Variants in TXNDC9 observed in about 807,000 individuals in gnomAD.
TXNDC9 encodes thioredoxin domain-containing protein 9.
TXNDC9 carries 7 observed loss-of-function variants against 23.0 expected under a neutral mutation model. That is an observed-to-expected ratio of 0.30 (90% CI 0.17 to 0.57). The LOEUF is 0.57. TXNDC9 is among the 20% of genes least tolerant of loss of function. The pLI is 0.90. For missense variants in TXNDC9, 198 were observed against 252.6 expected, an observed-to-expected ratio of 0.78 and a Z score of 1.47; for synonymous variants, 72 against 90.6, an observed-to-expected ratio of 0.79 and a Z score of 1.17.
intron 1 of TXNDC9, among the ~76,000 whole-genome samples, chr2:99,333,705 T>G (rs766477985): frequency 6.6e-6 from 1 of 152,218 alleles, no homozygotes; most frequent in South Asian, 2.1e-4. Context: ...CAGAGTACAG[T>G]TGAGCAAAAC....
the TXNDC9 span, chr2:99,307,338 A>G: frequency 2.6e-5 from 4 of 151,476 alleles, no homozygotes; most frequent in African/African-American, 4.9e-5. Context: ...ATTTACAATT[A>G]TTATGATTAT....
At chr2:99,329,898 C>T (rs145722419) in intron 2 of TXNDC9, among the ~76,000 whole-genome samples, 1,884 of 151,960 alleles carry the variant, frequency 0.012, 15 homozygotes, top group South Asian at 0.021. Flanking sequence ...ACTCCGAAGG[C>T]GGAGGTTGCA....
the TXNDC9 span, among the ~76,000 whole-genome samples, chr2:99,309,395 T>A: frequency 1.3e-5 from 2 of 151,894 alleles, no homozygotes; most frequent in Admixed American, 6.6e-5. Context: ...AAAACAATTT[T>A]AAAAATTAAA....
In TXNDC9 at chr2:99,333,621, C is replaced by A. The variant is rs139876226; in HGVS notation, c.-32-379G>T. On this transcript the variant is annotated intron_variant, in intron 1 of 4. Coordinates refer to ENST00000264255, the MANE Select transcript of TXNDC9 (RefSeq NM_005783.4). ...ACCAATGGGAAAGAGAAATCAGAAA[C>A]AACTGCGAACAATAGGAAGGTATAC... is the stretch of plus-strand genomic sequence containing the variant. Among the ~76,000 whole-genome samples the A allele has an allele frequency of 9.6e-3, 1,464 of 152,254 alleles. 24 individuals carry two copies. Among genetic ancestry groups the A allele is most frequent in the African/African-American group, 0.034 (1,395 of 41,530 alleles).
Position 99,336,299 on chromosome 2 carries a change from C to G in TXNDC9, c.-93G>C, listed in dbSNP as rs2094240352. 1.0e-6 allele frequency: 1 copy of G among 985,518 alleles called. No individual in the cohort carries two copies. The highest frequency in any genetic ancestry group is 1.2e-6 in the Non-Finnish European group (1 of 829,996). 61.0% of individuals were successfully genotyped at this position (985,518 alleles called of 1,614,324 possible). On this transcript the variant is annotated 5_prime_UTR_variant, in exon 1 of 5. Transcript: ENST00000264255. ...AGCAGTTTCAAAAGACACGTCCACT[C>G]CGGCTTTTGCCTTGCAGTAGCTGCC...
Position 99,319,381 on chromosome 2 carries a change from CTG to C in TXNDC9, c.*299_*300del, listed in dbSNP as rs945145687. On this transcript the variant is annotated 3_prime_UTR_variant, in exon 5 of 5. Transcript: ENST00000264255. ...TGGAATAGTTTTCGAATTTCTAACT[CTG>C]TAGATCTAAAACACAATTGTAAATG... is the stretch of plus-strand genomic sequence containing the variant. 19 of 203,926 alleles carry C rather than the reference CTG, an allele frequency of 9.3e-5. No individual in the cohort carries two copies. The highest frequency in any genetic ancestry group is 1.7e-4 in the Non-Finnish European group (18 of 103,536). The allele number at this position is 203,926 out of a possible 1,614,324, so 12.6% of individuals were successfully genotyped here.
downstream of TXNDC9, among the ~76,000 whole-genome samples, chr2:99,316,913 C>T (rs953586482): frequency 3.3e-5 from 5 of 152,060 alleles, no homozygotes; most frequent in African/African-American, 9.7e-5. Context: ...CCCGCCACCA[C>T]GCCCGGCTAA....
the TXNDC9 span, among the ~76,000 whole-genome samples, chr2:99,308,526 T>G: frequency 6.6e-6 from 1 of 152,070 alleles, no homozygotes; most frequent in African/African-American, 2.4e-5. Context: ...TTTAGGCCTG[T>G]TGGTGCATAG....
chr2:99,322,694 CTAA>C (rs1254641962), intron 3 of TXNDC9: 39 of 1,477,864 alleles, frequency 2.6e-5, no homozygotes, highest in Non-Finnish European at 3.3e-5. Flanking sequence ...CTAAGGGTTA[CTAA>C]TAATATTTAA....
chr2:99,322,345 G>C lies in TXNDC9; in HGVS notation c.309-136C>G, dbSNP rs1022385935. 6.9e-6 allele frequency: 9 copies of C among 1,313,722 alleles called. No homozygotes were observed. The African/African-American group carries it at 8.9e-5, about 13-fold the overall frequency. 81.4% of individuals were successfully genotyped at this position (1,313,722 alleles called of 1,614,324 possible). A position where few individuals can be genotyped will look rare whatever the true frequency, so the allele number is the denominator to read the frequency against. On this transcript the variant is annotated intron_variant, in intron 3 of 4. Transcript: ENST00000264255. ...AACATGGCAGCCAACTTAAACTTGT[G>C]TCAGATGACCTCACTTCCAGATCAG...
chr2:99,317,467 A>C (rs2094191813), downstream of TXNDC9, among the ~76,000 whole-genome samples: 1 of 152,190 alleles, frequency 6.6e-6, no homozygotes, highest in Non-Finnish European at 1.5e-5. Flanking sequence ...CTCAGAGTAC[A>C]GTCTGGGCGT....
chr2:99,312,632 AAAC>A, the TXNDC9 span, among the ~76,000 whole-genome samples: 1 of 152,228 alleles, frequency 6.6e-6, no homozygotes, highest in Non-Finnish European at 1.5e-5. Flanking sequence ...AATGGGAAAA[AAAC>A]AAGTTGCAAA....
At chr2:99,314,334 T>C (rs1477436133), downstream of TXNDC9, among the ~76,000 whole-genome samples, 2 of 152,270 alleles carry the variant, frequency 1.3e-5, no homozygotes, top group East Asian at 1.9e-4. Flanking sequence ...ATGGAAAATA[T>C]TCCAGAAAAG....
chr2:99,312,470 C>T, the TXNDC9 span, among the ~76,000 whole-genome samples: 1 of 147,426 alleles, frequency 6.8e-6, no homozygotes, highest in Non-Finnish European at 1.5e-5. Context: ...GCACTACAGC[C>T]TGGGCAACAG....
rs1156941417 is a variant in TXNDC9, at chr2:99,319,863, A to AAATCT, written c.564-69_564-65dup. On this transcript the variant is annotated intron_variant, in intron 4 of 4. Coordinates refer to ENST00000264255, the MANE Select transcript of TXNDC9 (RefSeq NM_005783.4). Reference sequence around the variant, plus strand: ...AGTACTAGTATACTAAACTGCACAAAAATCTATCTTTGTTTTCTTCCTGTA... The same window carrying AAATCT: ...AGTACTAGTATACTAAACTGCACAAAAATCTAATCTATCTTTGTTTTCTTCCTGTA... The AAATCT allele has an allele frequency of 3.0e-6, 3 of 989,158 alleles. No homozygotes were observed. The African/African-American group carries it at 5.0e-5, about 16-fold the overall frequency. 61.3% of individuals were successfully genotyped at this position (989,158 alleles called of 1,614,324 possible).
rs753406664 is a variant in TXNDC9, at chr2:99,322,091, T to C, written c.427A>G (p.Ile143Val). The C allele has an allele frequency of 6.2e-7, 1 of 1,614,194 alleles. No individual in the cohort carries two copies. The highest frequency in any genetic ancestry group is 8.5e-7 in the Non-Finnish European group (1 of 1,180,024). The change falls in exon 4 of 5, where the codon ATT (isoleucine) becomes GTT (valine). Residue 143 changes from isoleucine to valine, a missense_variant. Ile to Val is a conservative substitution (Grantham distance 29). Coordinates refer to ENST00000264255, the MANE Select transcript of TXNDC9 (RefSeq NM_005783.4). ...FLCERLHIKV[I>V]PTLALLKDGK... ...TCTTTTAGCAGTGCTAGTGTGGGAA[T>C]GACTTTGATATGCAGTCTCTCACAA...
chr2:99,327,758 T>C (rs965292600), intron 2 of TXNDC9, 105 bp from the exon 3 acceptor site: 8 of 671,740 alleles, frequency 1.2e-5, no homozygotes, highest in Non-Finnish European at 1.9e-5. Context: ...ATGAAGTCAA[T>C]TAAAAAAAAA....
At chr2:99,326,765 T>C (rs372696484) in intron 3 of TXNDC9, among the ~76,000 whole-genome samples, 11 of 152,150 alleles carry the variant, frequency 7.2e-5, no homozygotes, top group Non-Finnish European at 1.5e-4. Context: ...GGTGAAAGGT[T>C]TGGCCAAGCC....
the TXNDC9 span, among the ~76,000 whole-genome samples, chr2:99,312,184 C>T: frequency 6.6e-6 from 1 of 152,160 alleles, no homozygotes; most frequent in Non-Finnish European, 1.5e-5. Context: ...TTCAACCACT[C>T]TCCACTGACC....
Sources: gnomAD v4.1 joint callset for allele counts (sites outside exome capture counted in the v4.1 genomes callset) on GRCh38, gnomAD v4.1.1 for gene constraint, MANE v1.5 for transcripts, NCBI Gene and HGNC (gene_info 2026-07-23, HGNC 2026-07-21) for gene names.